BPHL: variants seen among roughly 807,000 people sequenced by gnomAD.
BPHL encodes serine hydrolase BPHL.
BPHL carries 27 observed loss-of-function variants against 31.2 expected under a neutral mutation model. The ratio of observed to expected loss-of-function variants is 0.87; its 90% CI spans 0.64 to 1.19. The LOEUF is 1.19. Among genes scored for constraint, BPHL ranks in the 50% most tolerant of loss-of-function variants. BPHL has a pLI of 0.00. For synonymous variants in BPHL, 150 were observed against 146.8 expected, an observed-to-expected ratio of 1.02 and a Z score of -0.16; for missense variants, 356 against 375.7, an observed-to-expected ratio of 0.95 and a Z score of 0.43.
chr6:3,137,147 A>G (rs921553619), intron 4 of BPHL, among the ~76,000 whole-genome samples: 26 of 152,002 alleles, frequency 1.7e-4, no homozygotes, highest in African/African-American at 5.3e-4. Context: ...TACACTGCAC[A>G]CAGGTCCTAG....
chr6:3,119,611 G>A, intron 1 of BPHL: 2 of 1,489,128 alleles, frequency 1.3e-6, no homozygotes, highest in Non-Finnish European at 1.8e-6. Context: ...TGTGGATAGA[G>A]CGGCATGAAG....
intron 2 of BPHL, among the ~76,000 whole-genome samples, chr6:3,125,536 C>G (rs1434457266): frequency 6.6e-6 from 1 of 152,122 alleles, no homozygotes; most frequent in Non-Finnish European, 1.5e-5. Flanking sequence ...ATTCTTGGCA[C>G]TGGTCTTCAA....
At chr6:3,144,372 CTT>C (rs58022650) in intron 6 of BPHL, among the ~76,000 whole-genome samples, 16 of 64,790 alleles carry the variant, frequency 2.5e-4, no homozygotes, top group African/African-American at 4.3e-4. Context: ...TGGCCTTCTT[CTT>C]TTTTTTTTTT....
rs1762135372 is a variant in BPHL at position 3,140,277 on chromosome 6, G to C, written c.665-109G>C. The C allele has an allele frequency of 7.1e-7, 1 of 1,412,874 alleles. No individual in the cohort carries two copies. Among genetic ancestry groups the C allele is most frequent in the Admixed American group, 2.0e-5 (1 of 49,674 alleles). 87.5% of individuals were successfully genotyped at this position (1,412,874 alleles called of 1,614,324 possible). The stretch of plus-strand genomic sequence containing the variant: ...TCAAATCCAAAACACAGTTTTTACG[G>C]ATAGGGAAACTGAGGGCCAAGGAGG... On this transcript the variant is annotated intron_variant, in intron 5 of 6. Transcript: ENST00000380379. The surrounding 1 kb of genome is among the most constrained non-coding windows in gnomAD (Gnocchi z 5.2).
Position 3,122,205 on chromosome 6 carries a change from G to A in BPHL, c.108-1452G>A, listed in dbSNP as rs555537759. 1.1e-4 allele frequency among the ~76,000 whole-genome samples: 17 copies of A among 152,282 alleles called. No individual in the cohort carries two copies. In the South Asian group the frequency reaches 1.5e-3, roughly 13 times the overall value. ...TGAGGCAGGAGAATGGTGTGAACCC[G>A]GGAGGTGGAACTTGCAGTGAGCCGA... On this transcript the variant is annotated intron_variant, in intron 1 of 6. Transcript: ENST00000380379.
At chr6:3,145,586 G>C (rs566264919) in intron 6 of BPHL, among the ~76,000 whole-genome samples, 1 of 60,240 alleles carries the variant, frequency 1.7e-5, no homozygotes. Flanking sequence ...GGGTCGGAGT[G>C]CTGGTTTGGG....
At chr6:3,122,106 C>T (rs528686518) in intron 1 of BPHL, among the ~76,000 whole-genome samples, 13 of 152,080 alleles carry the variant, frequency 8.5e-5, no homozygotes, top group African/African-American at 2.2e-4. Flanking sequence ...GGTGAAACCC[C>T]GTCTCTACTA....
intron 1 of BPHL, among the ~76,000 whole-genome samples, chr6:3,121,596 T>G (rs1761577945): frequency 6.6e-6 from 1 of 152,098 alleles, no homozygotes; most frequent in Non-Finnish European, 1.5e-5. Flanking sequence ...GGATTACAGG[T>G]GTGAGCCACC....
At chr6:3,146,423 G>A in intron 6 of BPHL, among the ~76,000 whole-genome samples, 1 of 140,560 alleles carries the variant, frequency 7.1e-6, no homozygotes. Context: ...GTTGAGTGCT[G>A]GTTTGGGTCG....
At chr6:3,132,505 A>G (rs1420086064) in intron 4 of BPHL, among the ~76,000 whole-genome samples, 1 of 148,076 alleles carries the variant, frequency 6.8e-6, no homozygotes, top group East Asian at 2.0e-4. Context: ...TAACTCCCAA[A>G]CCCCACATGT....
Position 3,127,274 on chromosome 6 carries a change from A to C in BPHL, c.244A>C (p.Lys82Gln). 6.3e-7 allele frequency: 1 copy of C among 1,586,210 alleles called. No homozygotes were observed. The highest frequency in any genetic ancestry group is 8.6e-7 in the Non-Finnish European group (1 of 1,163,160). The change falls in exon 3 of 7, where the codon AAG becomes CAG. Residue 82 changes from lysine to glutamine, a missense_variant. Transcript: ENST00000380379. ...AGAGACTGATTTTGGACCTCAGCTC[A>C]AGAACCTCAATAAGAAGCTCTTCAC... ...SGETDFGPQLKNLNKKLFTVV... is the reference protein window; with the variant it reads ...SGETDFGPQLQNLNKKLFTVV...
intron 4 of BPHL, among the ~76,000 whole-genome samples, chr6:3,130,420 G>T (rs1011315725): frequency 6.6e-6 from 1 of 152,156 alleles, no homozygotes; most frequent in Non-Finnish European, 1.5e-5. Flanking sequence ...AGGAAAGAAG[G>T]GTGCACCAGG....
At position 3,149,564 on chromosome 6, in the gene BPHL, G is replaced by A. The variant is rs13207153; in HGVS notation, c.789-2924G>A. ...GTCAGCCCTAACCAGAGGAGAGCCT[G>A]GCCAGCCAGGGCAGCCCCCAACTTC... On this transcript the variant is annotated intron_variant, in intron 6 of 6. Transcript: ENST00000380379. This position sits in a 1 kb window ranked among gnomAD's most constrained non-coding sequence, Gnocchi z 4.6. Among the ~76,000 whole-genome samples the A allele has an allele frequency of 0.083, 12,681 of 152,174 alleles. 762 individuals carry two copies. The highest frequency in any genetic ancestry group is 0.16 in the African/African-American group (6,721 of 41,478).
intron 2 of BPHL, among the ~76,000 whole-genome samples, chr6:3,126,348 A>T (rs1293720728): frequency 2.0e-5 from 3 of 152,224 alleles, no homozygotes; most frequent in Non-Finnish European, 4.4e-5. Context: ...GATCCCTCTC[A>T]TGTGTAAGTC....
chr6:3,118,898 G>T, intron 1 of BPHL, 51 bp downstream of exon 1: 1 of 1,219,682 alleles, frequency 8.2e-7, no homozygotes, highest in South Asian at 4.0e-5. Context: ...CGCGCTCGAG[G>T]GGCGGCGGGA....
In BPHL at chr6:3,144,396, T is replaced by G. The variant is rs1166475317; in HGVS notation, c.788+3887T>G. ...TCTTTTTTTTTTTTTTTTTTGTTTT[T>G]TTTTTTAAGAGACAGGGCTTGCACT... On this transcript the variant is annotated intron_variant, in intron 6 of 6. Coordinates refer to ENST00000380379, the MANE Select transcript of BPHL (RefSeq NM_004332.4). 4.2e-5 allele frequency among the ~76,000 whole-genome samples: 6 copies of G among 143,410 alleles called. No homozygotes were observed. The South Asian group carries it at 6.7e-4, about 16-fold the overall frequency. The allele number at this position is 143,410 out of a possible 152,430, so 94.1% of individuals were successfully genotyped here. A position where few individuals can be genotyped will look rare whatever the true frequency, so the allele number is the denominator to read the frequency against.
chr6:3,146,884 C>CTGGTTCGGGGTG (rs1762400116), intron 6 of BPHL, among the ~76,000 whole-genome samples: 1 of 51,730 alleles, frequency 1.9e-5, no homozygotes, highest in Non-Finnish European at 4.4e-5. Flanking sequence ...CTGGTTTGGG[C>CTGGTTCGGGGTG]GAGTGCTGGT....
chr6:3,135,584 G>A (rs772490099), intron 4 of BPHL, among the ~76,000 whole-genome samples: 4 of 152,070 alleles, frequency 2.6e-5, no homozygotes, highest in Non-Finnish European at 5.9e-5. Flanking sequence ...CTTCAAATAG[G>A]CATCTCGTTC....
chr6:3,153,364 T>C lies in BPHL; in HGVS notation c.*789T>C. The C allele has an allele frequency of 5.5e-6, 1 of 181,816 alleles. No homozygotes were observed. The highest frequency in any genetic ancestry group is 1.2e-4 in the South Asian group (1 of 8,552). The allele number at this position is 181,816 out of a possible 1,614,324, so 11.3% of individuals were successfully genotyped here. ...GGTCCTCAATTCTAAGATCAGAGGA[T>C]GTCCAGAACAGCAGCAGATAGGGGC... On this transcript the variant is annotated 3_prime_UTR_variant, in exon 7 of 7. Coordinates refer to ENST00000380379, the MANE Select transcript of BPHL (RefSeq NM_004332.4).
Sources: gnomAD v4.1 joint callset for allele counts (sites outside exome capture counted in the v4.1 genomes callset) on GRCh38, gnomAD v4.1.1 for gene constraint, Gnocchi (gnomAD v3.1) non-coding constraint, MANE v1.5 for transcripts, NCBI Gene and HGNC (gene_info 2026-07-23, HGNC 2026-07-21) for gene names.